TMEM41B: variants seen among roughly 807,000 people sequenced by gnomAD.
TMEM41B encodes protein stasimon.
Under a neutral mutation model 31.9 loss-of-function variants are expected in TMEM41B, and 18 were observed. That is an observed-to-expected ratio of 0.56 (90% CI 0.39 to 0.84). The LOEUF is 0.84. Among genes scored for constraint, TMEM41B ranks in the 40% least tolerant of loss-of-function variants. The probability of loss-of-function intolerance (pLI) is 0.00; values close to 1 mark genes in which losing one functional copy is unlikely to be tolerated. For missense variants in TMEM41B, 322 were observed against 348.0 expected, an observed-to-expected ratio of 0.93 and a Z score of 0.59; for synonymous variants, 144 against 124.3, an observed-to-expected ratio of 1.16 and a Z score of -1.05.
intron 1 of TMEM41B, among the ~76,000 whole-genome samples, chr11:9,305,979 C>CTTTCT (rs1564967439): frequency 1.7e-5 from 2 of 117,984 alleles, no homozygotes; most frequent in South Asian, 3.0e-4. Context: ...CAGCACTTTT[C>CTTTCT]TTTTTTTTTT....
chr11:9,287,911 G>A (rs952028910), intron 4 of TMEM41B, 105 bp from the exon 5 acceptor site: 3 of 827,264 alleles, frequency 3.6e-6, no homozygotes, highest in African/African-American at 1.7e-5. Context: ...TTTCAGAGGT[G>A]GGGAGGGTAC....
intron 1 of TMEM41B, among the ~76,000 whole-genome samples, chr11:9,300,072 T>TA (rs1409507674): frequency 6.6e-6 from 1 of 152,138 alleles, no homozygotes; most frequent in African/African-American, 2.4e-5. Context: ...TGAGTGGAGA[T>TA]AGAGCCATTG....
intron 2 of TMEM41B, among the ~76,000 whole-genome samples, chr11:9,297,459 C>T (rs551915295): frequency 6.0e-4 from 91 of 152,010 alleles, no homozygotes; most frequent in Admixed American, 8.5e-4. Context: ...TTTGGCAGGC[C>T]GAGATGGGTG....
chr11:9,291,283 G>A (rs749504207), intron 3 of TMEM41B, among the ~76,000 whole-genome samples: 35 of 152,180 alleles, frequency 2.3e-4, no homozygotes, highest in Non-Finnish European at 4.0e-4. Context: ...TTGGCAAGCT[G>A]AAGCAGGAGA....
At chr11:9,289,335 T>TA (rs915948424) in intron 3 of TMEM41B, among the ~76,000 whole-genome samples, 18 of 137,104 alleles carry the variant, frequency 1.3e-4, no homozygotes, top group Admixed American at 8.9e-4. Context: ...TTTTTTTTTT[T>TA]ACTTTCCTGT....
intron 1 of TMEM41B, among the ~76,000 whole-genome samples, chr11:9,310,644 G>GT (rs1564969507): frequency 7.1e-6 from 1 of 140,152 alleles, no homozygotes; most frequent in East Asian, 2.1e-4. Flanking sequence ...AAACCGATTA[G>GT]GTTAAGAGCC....
chr11:9,306,691 A>C (rs533890165), intron 1 of TMEM41B, among the ~76,000 whole-genome samples: 2 of 152,284 alleles, frequency 1.3e-5, no homozygotes, highest in South Asian at 4.1e-4. Context: ...GTCTCAAAAA[A>C]AAAAAGAAAG....
In TMEM41B at chr11:9,280,785, T is replaced by C. The variant is rs1852702529; in HGVS notation, c.*2639A>G. ...TAACTAAGAAAGAACAGTTTCACTT[T>C]CTTAGCTTGTCAACTCCTAGTTAGC... On this transcript the variant is annotated 3_prime_UTR_variant, in exon 7 of 7. Transcript: ENST00000528080. 1 of 152,214 alleles carries C rather than the reference T, an allele frequency of 6.6e-6. No homozygotes were observed. Among genetic ancestry groups the C allele is most frequent in the African/African-American group, 2.4e-5 (1 of 41,454 alleles). The allele number at this position is 152,214 out of a possible 1,614,324, so 9.4% of individuals were successfully genotyped here.
intron 1 of TMEM41B, 73 bp downstream of exon 1, chr11:9,314,248 C>CG: frequency 2.0e-6 from 3 of 1,490,006 alleles, no homozygotes; most frequent in African/African-American, 1.4e-5. Context: ...CCGAGAATAG[C>CG]GGGGGTCCTT....
intron 3 of TMEM41B, among the ~76,000 whole-genome samples, chr11:9,294,360 C>T (rs1009807883): frequency 1.3e-5 from 2 of 151,544 alleles, no homozygotes; most frequent in Non-Finnish European, 2.9e-5. Context: ...CCAAGTATGG[C>T]GGCAGGCGCC....
At chr11:9,314,261 C>T (rs1412607579) in intron 1 of TMEM41B, 60 bp downstream of exon 1, 4 of 1,521,312 alleles carry the variant, frequency 2.6e-6, no homozygotes, top group Non-Finnish European at 2.6e-6. Flanking sequence ...GGGTCCTTTT[C>T]CCCACCCGAC....
chr11:9,284,106 C>T (rs574401330), intron 6 of TMEM41B, among the ~76,000 whole-genome samples: 107 of 150,986 alleles, frequency 7.1e-4, no homozygotes, highest in African/African-American at 2.3e-3. Context: ...TTTAAAAACG[C>T]AAGAAAAGGG....
At chr11:9,309,018 C>T (rs940484163) in intron 1 of TMEM41B, among the ~76,000 whole-genome samples, 1 of 152,062 alleles carries the variant, frequency 6.6e-6, no homozygotes, top group African/African-American at 2.4e-5. Flanking sequence ...GAGGCCAAGG[C>T]GGGTGAATTA....
intron 3 of TMEM41B, among the ~76,000 whole-genome samples, chr11:9,288,828 C>T (rs553760846): frequency 4.6e-5 from 7 of 152,276 alleles, no homozygotes; most frequent in African/African-American, 1.7e-4. Flanking sequence ...TTTAGTGCTT[C>T]TCTAATACAT....
chr11:9,293,347 C>A lies in TMEM41B; in HGVS notation c.368+1912G>T, dbSNP rs374615377. Among the ~76,000 whole-genome samples the A allele has an allele frequency of 2.8e-4, 43 of 152,294 alleles. No individual in the cohort carries two copies. In the East Asian group the frequency reaches 4.4e-3, roughly 16 times the overall value. ...CGAACCACTGGCCTCACGCAATCCT[C>A]CTGCTGAAGCCTCCCAAAGTGCTGG... On this transcript the variant is annotated intron_variant, in intron 3 of 6. Coordinates refer to ENST00000528080, the MANE Select transcript of TMEM41B (RefSeq NM_015012.4).
rs1590395139 is a variant in TMEM41B at position 9,314,532 on chromosome 11, G to A, written c.-91C>T. On this transcript the variant is annotated 5_prime_UTR_variant, in exon 1 of 7. Coordinates refer to ENST00000528080, the MANE Select transcript of TMEM41B (RefSeq NM_015012.4). Reference sequence around the variant, plus strand: ...GCTCCTTACTACGCCGAAGCGCCACGGCTAGAGCCACTTCCGGCGCGACCT... The same window carrying A: ...GCTCCTTACTACGCCGAAGCGCCACAGCTAGAGCCACTTCCGGCGCGACCT... 3.5e-6 allele frequency: 5 copies of A among 1,444,280 alleles called. No homozygotes were observed. The highest frequency in any genetic ancestry group is 4.6e-6 in the Non-Finnish European group (5 of 1,096,126). The allele number at this position is 1,444,280 out of a possible 1,614,324, so 89.5% of individuals were successfully genotyped here.
At position 9,283,430 on chromosome 11, in the gene TMEM41B, A is replaced by G; in HGVS notation, c.870T>C (p.Phe290=). ...AAAAATCAGATGATTATTTTTACTC[A>G]AATTTCTGCTTTAGTTTTTTTTGGA... is the stretch of plus-strand genomic sequence containing the variant. ...AIFQKKLKQK[F]E Residue 290 remains phenylalanine (F), a synonymous_variant, in exon 7 of 7, where the codon TTT becomes TTC. Transcript: ENST00000528080. The G allele has an allele frequency of 6.2e-7, 1 of 1,604,698 alleles. No homozygotes were observed. The highest frequency in any genetic ancestry group is 8.5e-7 in the Non-Finnish European group (1 of 1,176,466).
chr11:9,300,675 G>A (rs1853230304), intron 1 of TMEM41B, among the ~76,000 whole-genome samples: 1 of 151,886 alleles, frequency 6.6e-6, no homozygotes, highest in African/African-American at 2.4e-5. Flanking sequence ...TCAGGAGATC[G>A]AGACCATCCT....
At chr11:9,307,211 C>G (rs1035018358) in intron 1 of TMEM41B, among the ~76,000 whole-genome samples, 6 of 151,998 alleles carry the variant, frequency 3.9e-5, no homozygotes, top group African/African-American at 1.5e-4. Context: ...CATTAGTTTT[C>G]AATATTCAGT....
Sources: allele counts gnomAD v4.1 joint callset (sites outside exome capture counted in the v4.1 genomes callset), GRCh38; gene constraint gnomAD v4.1.1; transcripts MANE v1.5; gene names NCBI Gene and HGNC (gene_info 2026-07-23, HGNC 2026-07-21).